TAFA2: variants seen among roughly 807,000 people sequenced by gnomAD.
TAFA2 encodes the protein TAFA chemokine like family member 2, also known as chemokine-like protein TAFA-2.
A neutral mutation model predicts 18.8 loss-of-function variants in TAFA2; 7 were observed. The observed-to-expected ratio is 0.37, with a 90% CI of 0.21 to 0.70. The LOEUF (loss-of-function observed/expected upper bound fraction) is 0.70. Ranked by LOEUF, TAFA2 falls within the 30% of genes least tolerant of loss-of-function variation. The pLI, the probability that TAFA2 is intolerant of heterozygous loss-of-function variation, is 0.53. For missense variants in TAFA2, 122 were observed against 158.1 expected (o/e 0.77, Z 1.23); for synonymous variants, 60 against 54.2 (o/e 1.11, Z -0.47).
chr12:62,198,645 A>C (rs987769326), intron 1 of TAFA2, among the ~76,000 whole-genome samples: 4 of 152,218 alleles, frequency 2.6e-5, no homozygotes, highest in Non-Finnish European at 4.4e-5. Context: ...AACTTATGCA[A>C]TAATGTGTCT....
intron 2 of TAFA2, among the ~76,000 whole-genome samples, chr12:61,757,063 C>A (rs561306124): frequency 1.2e-4 from 19 of 152,134 alleles, no homozygotes; most frequent in African/African-American, 4.3e-4. Flanking sequence ...CATGGGAAAT[C>A]TTTGGGTAGA....
intron 1 of TAFA2, among the ~76,000 whole-genome samples, chr12:61,868,786 T>G (rs1013770305): frequency 2.6e-5 from 4 of 152,144 alleles, no homozygotes; most frequent in Non-Finnish European, 5.9e-5. Context: ...AATGTTTAGA[T>G]GGCAATATTT....
intron 1 of TAFA2, among the ~76,000 whole-genome samples, chr12:62,030,560 T>C (rs888217589): frequency 6.6e-6 from 1 of 152,128 alleles, no homozygotes; most frequent in African/African-American, 2.4e-5. Context: ...CCTAGTGGTA[T>C]GAAGTATGGT....
intron 4 of TAFA2, among the ~76,000 whole-genome samples, chr12:61,743,946 C>CT (rs1263526286): frequency 6.6e-6 from 1 of 152,086 alleles, no homozygotes; most frequent in Non-Finnish European, 1.5e-5. Flanking sequence ...ACTATGGCTT[C>CT]TTGAACATAC....
At chr12:61,879,752 A>C (rs1178855937) in intron 1 of TAFA2, 11 of 1,310,554 alleles carry the variant, frequency 8.4e-6, no homozygotes, top group African/African-American at 1.4e-5. Flanking sequence ...CCAGAGCTAC[A>C]TCAACAACCT....
intron 1 of TAFA2, among the ~76,000 whole-genome samples, chr12:62,228,065 G>A (rs1437444295): frequency 3.3e-5 from 5 of 151,914 alleles, no homozygotes; most frequent in East Asian, 1.9e-4. Context: ...ATATATACAC[G>A]TGTGTACATA....
At chr12:61,851,808 A>C (rs1351168068) in intron 2 of TAFA2, among the ~76,000 whole-genome samples, 3 of 144,572 alleles carry the variant, frequency 2.1e-5, no homozygotes, top group Non-Finnish European at 4.5e-5. Context: ...AAAAAAAAAA[A>C]AAAAAAAAAA....
chr12:62,108,616 G>T (rs909379139), intron 1 of TAFA2, among the ~76,000 whole-genome samples: 4 of 152,148 alleles, frequency 2.6e-5, no homozygotes, highest in African/African-American at 9.7e-5. Flanking sequence ...GTGTAAAAGC[G>T]TTCCTATTTC....
chr12:61,752,749 G>T (rs987462711), intron 4 of TAFA2, among the ~76,000 whole-genome samples: 1 of 151,926 alleles, frequency 6.6e-6, no homozygotes, highest in African/African-American at 2.4e-5. Context: ...TCTGGACAAG[G>T]TTTAAAAGTC....
At chr12:61,973,495 CAGT>C (rs1415501863) in intron 1 of TAFA2, among the ~76,000 whole-genome samples, 2 of 148,990 alleles carry the variant, frequency 1.3e-5, no homozygotes, top group Admixed American at 1.4e-4. Context: ...TAGATTAACA[CAGT>C]AGTTTCCAAA....
intron 2 of TAFA2, among the ~76,000 whole-genome samples, chr12:61,808,663 G>GA (rs1871730387): frequency 6.6e-6 from 1 of 151,396 alleles, no homozygotes; most frequent in African/African-American, 2.5e-5. Context: ...AGTTTAGACA[G>GA]AAAAGCTTAG....
chr12:61,830,332 T>C (rs1168019578), intron 2 of TAFA2, among the ~76,000 whole-genome samples: 1 of 151,150 alleles, frequency 6.6e-6, no homozygotes, highest in African/African-American at 2.4e-5. Flanking sequence ...ATGCTATATA[T>C]ATGTATACAT....
At chr12:61,756,346 A>G (rs141398686) in intron 2 of TAFA2, among the ~76,000 whole-genome samples, 5 of 152,130 alleles carry the variant, frequency 3.3e-5, no homozygotes, top group Non-Finnish European at 7.4e-5. Context: ...ATCTATCTCT[A>G]TGAAAGCAAA....
intron 1 of TAFA2, among the ~76,000 whole-genome samples, chr12:61,948,551 T>G (rs1436953016): frequency 6.6e-6 from 1 of 152,158 alleles, no homozygotes; most frequent in African/African-American, 2.4e-5. Context: ...TTCAGAATGA[T>G]TCCATGCATA....
chr12:61,804,253 C>T (rs1251256785), intron 2 of TAFA2, among the ~76,000 whole-genome samples: 4 of 151,990 alleles, frequency 2.6e-5, no homozygotes, highest in African/African-American at 4.8e-5. Flanking sequence ...AAGCAATTGA[C>T]ATTAGTGTCC....
chr12:61,984,661 A>C (rs890514446), intron 1 of TAFA2, among the ~76,000 whole-genome samples: 1 of 152,200 alleles, frequency 6.6e-6, no homozygotes, highest in Non-Finnish European at 1.5e-5. Flanking sequence ...TATTATTCAG[A>C]TTTTTAATTA....
At chr12:61,778,426 G>A (rs1870363305) in intron 2 of TAFA2, among the ~76,000 whole-genome samples, 1 of 151,578 alleles carries the variant, frequency 6.6e-6, no homozygotes, top group African/African-American at 2.4e-5. Flanking sequence ...ATCTACTACT[G>A]ACAAACGCTT....
Position 62,109,482 on chromosome 12 carries a change from T to A in TAFA2, c.-2+81777A>T, listed in dbSNP as rs138688150. On this transcript the variant is annotated intron_variant, in intron 1 of 4. Coordinates refer to ENST00000416284, the MANE Select transcript of TAFA2 (RefSeq NM_178539.5). ...ATGCCGGCTCTTTTTTGGTTTCACA[T>A]GAAATTTAAAGTGGTTTTTTCTAAT... Among the ~76,000 whole-genome samples the A allele has an allele frequency of 3.0e-3, 452 of 152,338 alleles. 1 individual carries two copies. Among genetic ancestry groups the A allele is most frequent in the African/African-American group, 0.01 (426 of 41,586 alleles).
At chr12:62,081,581 T>C (rs1161269309) in intron 1 of TAFA2, among the ~76,000 whole-genome samples, 2 of 151,984 alleles carry the variant, frequency 1.3e-5, no homozygotes, top group African/African-American at 2.4e-5. Flanking sequence ...GCCTCCCAGG[T>C]TCAAGTGATT....
Sources: gnomAD v4.1 joint callset for allele counts (sites outside exome capture counted in the v4.1 genomes callset) on GRCh38, gnomAD v4.1.1 for gene constraint, MANE v1.5 for transcripts, NCBI Gene and HGNC (gene_info 2026-07-23, HGNC 2026-07-21) for gene names.